The following PDLIM5 variants were observed in gnomAD, a reference collection of about 807,000 sequenced individuals.
PDLIM5 encodes PDZ and LIM domain 5.
A neutral mutation model predicts 64.2 loss-of-function variants in PDLIM5; 34 were observed. The observed-to-expected ratio is 0.53, with a 90% CI of 0.40 to 0.71. PDLIM5 has a LOEUF of 0.71. Among genes scored for constraint, PDLIM5 ranks in the 30% least tolerant of loss-of-function variants. The pLI is 0.00. For synonymous variants in PDLIM5, 253 were observed against 269.1 expected, an observed-to-expected ratio of 0.94 and a Z score of 0.59; for missense variants, 683 against 733.6, an observed-to-expected ratio of 0.93 and a Z score of 0.80.
At chr4:94,491,016 A>G (rs1726824904) in intron 2 of PDLIM5, among the ~76,000 whole-genome samples, 1 of 152,156 alleles carries the variant, frequency 6.6e-6, no homozygotes, top group Non-Finnish European at 1.5e-5. Context: ...CCCTACCTCT[A>G]TCATAAAGCA....
At chr4:94,604,194 T>C (rs975167285) in intron 7 of PDLIM5, among the ~76,000 whole-genome samples, 4 of 151,900 alleles carry the variant, frequency 2.6e-5, no homozygotes, top group Non-Finnish European at 5.9e-5. Context: ...GAGGCACAAA[T>C]GACAGGAAAA....
At chr4:94,491,449 T>G (rs563192232) in intron 2 of PDLIM5, among the ~76,000 whole-genome samples, 1 of 152,260 alleles carries the variant, frequency 6.6e-6, no homozygotes, top group African/African-American at 2.4e-5. Context: ...AATTGAATAT[T>G]GAATAATCTC....
At chr4:94,611,914 G>T (rs1738394831) in intron 7 of PDLIM5, among the ~76,000 whole-genome samples, 1 of 152,026 alleles carries the variant, frequency 6.6e-6, no homozygotes, top group Non-Finnish European at 1.5e-5. Flanking sequence ...TTCTTATAGA[G>T]ATTTTTCAAT....
chr4:94,487,944 G>A (rs1560649377), intron 2 of PDLIM5, among the ~76,000 whole-genome samples: 2 of 152,126 alleles, frequency 1.3e-5, no homozygotes. Context: ...ACTAGGGAGT[G>A]GGTCTTAAGA....
chr4:94,563,957 TC>T (rs1734056901), intron 3 of PDLIM5, among the ~76,000 whole-genome samples: 4 of 124,698 alleles, frequency 3.2e-5, no homozygotes, highest in African/African-American at 1.4e-4. Flanking sequence ...TTTCTTTCTT[TC>T]TTTTTTTTTT....
intron 2 of PDLIM5, among the ~76,000 whole-genome samples, chr4:94,470,779 AAGT>A (rs1483463823): frequency 1.3e-5 from 2 of 152,308 alleles, no homozygotes; most frequent in Non-Finnish European, 2.9e-5. Flanking sequence ...CTACATTATG[AAGT>A]AGTAAATTAT....
intron 7 of PDLIM5, among the ~76,000 whole-genome samples, chr4:94,615,850 A>T (rs1738743632): frequency 6.6e-6 from 1 of 152,216 alleles, no homozygotes; most frequent in Non-Finnish European, 1.5e-5. Context: ...CCTTGAAATT[A>T]GGCAAACAAT....
intron 7 of PDLIM5, among the ~76,000 whole-genome samples, chr4:94,592,572 G>A (rs2110332328): frequency 1.3e-5 from 2 of 152,304 alleles, no homozygotes; most frequent in Middle Eastern, 6.8e-3. Context: ...TGCCAATTGT[G>A]TGCTACTGAG....
intron 3 of PDLIM5, among the ~76,000 whole-genome samples, chr4:94,564,274 T>C (rs1487010971): frequency 5.9e-5 from 9 of 152,150 alleles, no homozygotes; most frequent in Non-Finnish European, 1.3e-4. Flanking sequence ...AGAAATACTT[T>C]TCTATCTCAC....
chr4:94,556,672 T>C (rs1476920775), intron 3 of PDLIM5, among the ~76,000 whole-genome samples: 1 of 152,368 alleles, frequency 6.6e-6, no homozygotes, highest in East Asian at 1.9e-4. Flanking sequence ...TGGGCATTTT[T>C]TCATGTGTCT....
At chr4:94,481,792 G>A (rs1339318259) in intron 2 of PDLIM5, among the ~76,000 whole-genome samples, 1 of 151,668 alleles carries the variant, frequency 6.6e-6, no homozygotes, top group Non-Finnish European at 1.5e-5. Context: ...TGTATTTTTA[G>A]TAGAGATGGG....
intron 8 of PDLIM5, among the ~76,000 whole-genome samples, chr4:94,632,471 A>G (rs1443249030): frequency 6.6e-6 from 1 of 152,184 alleles, no homozygotes; most frequent in African/African-American, 2.4e-5. Context: ...GCAACAGAGT[A>G]GAGACCTTGT....
At chr4:94,529,975 AC>A (rs1373738111) in intron 3 of PDLIM5, among the ~76,000 whole-genome samples, 2 of 152,222 alleles carry the variant, frequency 1.3e-5, no homozygotes, top group Non-Finnish European at 2.9e-5. Context: ...GAAGAAAATT[AC>A]TTTCAAAAGC....
At chr4:94,472,178 G>A (rs577859766) in intron 2 of PDLIM5, among the ~76,000 whole-genome samples, 10 of 151,584 alleles carry the variant, frequency 6.6e-5, no homozygotes, top group East Asian at 3.9e-4. Context: ...ACACACACAC[G>A]CACACGCACC....
chr4:94,551,632 T>C (rs988222273), intron 3 of PDLIM5, among the ~76,000 whole-genome samples: 2 of 152,052 alleles, frequency 1.3e-5, no homozygotes, highest in Non-Finnish European at 2.9e-5. Flanking sequence ...GAAGAAGGAG[T>C]CACTTTTTAT....
In PDLIM5 at chr4:94,455,246, G is replaced by A; in HGVS notation, c.-42-1G>A. ...GCTAATCATCTGATTTTCTTTCACA[G>A]CATATTTCATTTTCTGTCATTGGAC... On this transcript the variant is annotated splice_acceptor_variant, in intron 1 of 12. Transcript: ENST00000317968. LOFTEE classifies it low-confidence loss of function (5UTR_SPLICE). The A allele has an allele frequency of 8.8e-7, 1 of 1,130,070 alleles. No individual in the cohort carries two copies. The highest frequency in any genetic ancestry group is 1.3e-6 in the Non-Finnish European group (1 of 745,616). 70.0% of individuals were successfully genotyped at this position (1,130,070 alleles called of 1,614,324 possible). A position where few individuals can be genotyped will look rare whatever the true frequency, so the allele number is the denominator to read the frequency against.
At chr4:94,580,725 A>C (rs555658038) in intron 5 of PDLIM5, among the ~76,000 whole-genome samples, 6 of 152,208 alleles carry the variant, frequency 3.9e-5, no homozygotes, top group African/African-American at 1.4e-4. Flanking sequence ...GAGATTACAT[A>C]CCTTTCTCAA....
At chr4:94,459,563 T>C (rs1055163555) in intron 2 of PDLIM5, among the ~76,000 whole-genome samples, 2 of 152,230 alleles carry the variant, frequency 1.3e-5, no homozygotes, top group Admixed American at 6.5e-5. Context: ...TCAGTAGTTA[T>C]AGTAATACTT....
rs959787996 is a variant in PDLIM5, at chr4:94,486,195, A to AT, written c.96+30820dup. Among the ~76,000 whole-genome samples the AT allele has an allele frequency of 9.2e-5, 14 of 151,422 alleles. 1 individual carries two copies. The highest frequency in any genetic ancestry group is 6.3e-4 in the South Asian group (3 of 4,796). On this transcript the variant is annotated intron_variant, in intron 2 of 12. Transcript: ENST00000317968. ...TTTCTTTCCTCAAAATAGTGTACAC[A>AT]TTTTTTTTTGTTGTTATTTGGAGAT...
Sources: gnomAD v4.1 joint callset for allele counts (sites outside exome capture counted in the v4.1 genomes callset) on GRCh38, gnomAD v4.1.1 for gene constraint, MANE v1.5 for transcripts, NCBI Gene and HGNC (gene_info 2026-07-23, HGNC 2026-07-21) for gene names.